Variants in CNTNAP5 observed in about 807,000 individuals in gnomAD.
CNTNAP5 encodes contactin-associated protein-like 5.
A neutral mutation model predicts 150.2 loss-of-function variants in CNTNAP5; 72 were observed. The ratio of observed to expected loss-of-function variants is 0.48; its 90% CI spans 0.40 to 0.58. The LOEUF is 0.58. CNTNAP5 is among the 20% of genes least tolerant of loss of function. CNTNAP5 has a pLI of 0.00. For synonymous variants in CNTNAP5, 672 were observed against 619.8 expected (o/e 1.08, Z -1.25); for missense variants, 1,636 against 1,626.2 (o/e 1.01, Z -0.10).
chr2:124,149,403 C>CAAAAAAAAAA (rs71394025), intron 1 of CNTNAP5, among the ~76,000 whole-genome samples: 1 of 82,778 alleles, frequency 1.2e-5, no homozygotes, highest in Admixed American at 1.5e-4. Context: ...GCGTCAATTG[C>CAAAAAAAAAA]AAAAAAAAAA....
intron 13 of CNTNAP5, 123 bp downstream of exon 13, chr2:124,648,081 G>T: frequency 1.2e-6 from 1 of 808,540 alleles, no homozygotes; most frequent in Non-Finnish European, 1.9e-6. Flanking sequence ...GCACTCGAGA[G>T]AAACACAACA....
chr2:124,763,211 A>G (rs1449473335), intron 14 of CNTNAP5, among the ~76,000 whole-genome samples: 2 of 152,160 alleles, frequency 1.3e-5, no homozygotes, highest in Non-Finnish European at 2.9e-5. Flanking sequence ...AGGTGGTTAA[A>G]AAAAAATCTA....
intron 21 of CNTNAP5, among the ~76,000 whole-genome samples, chr2:124,875,386 A>G (rs888576030): frequency 7.2e-5 from 11 of 152,180 alleles, no homozygotes; most frequent in Admixed American, 6.6e-5. Flanking sequence ...CTGGGAGTCA[A>G]TGCTAAACCA....
chr2:124,308,125 G>C (rs931446696), intron 3 of CNTNAP5, among the ~76,000 whole-genome samples: 1 of 152,168 alleles, frequency 6.6e-6, no homozygotes, highest in East Asian at 1.9e-4. Context: ...TTTCAAGGAA[G>C]AAATGTTGGG....
At chr2:124,557,532 C>T (rs560369293) in intron 10 of CNTNAP5, among the ~76,000 whole-genome samples, 3 of 152,168 alleles carry the variant, frequency 2.0e-5, no homozygotes, top group Admixed American at 2.0e-4. Flanking sequence ...TTATAGAGTG[C>T]CTACCTTGCT....
chr2:124,766,306 A>T (rs1381013368), intron 16 of CNTNAP5, among the ~76,000 whole-genome samples: 1 of 151,996 alleles, frequency 6.6e-6, no homozygotes, highest in East Asian at 1.9e-4. Context: ...GCAATTGACC[A>T]TATCACTATA....
chr2:124,371,185 G>A (rs1232136441), intron 3 of CNTNAP5, among the ~76,000 whole-genome samples: 1 of 152,134 alleles, frequency 6.6e-6, no homozygotes, highest in African/African-American at 2.4e-5. Flanking sequence ...GAGAAGAAGG[G>A]TGAGGGAAAG....
intron 13 of CNTNAP5, among the ~76,000 whole-genome samples, chr2:124,665,406 T>C (rs1678677165): frequency 6.6e-6 from 1 of 152,224 alleles, no homozygotes; most frequent in African/African-American, 2.4e-5. Context: ...ATTTAGTTAA[T>C]ATTATAGTTT....
At chr2:124,837,103 T>C (rs1401880535) in intron 19 of CNTNAP5, among the ~76,000 whole-genome samples, 1 of 150,428 alleles carries the variant, frequency 6.6e-6, no homozygotes, top group East Asian at 2.0e-4. Context: ...GGGACAGGAA[T>C]GTATAAAGGC....
intron 1 of CNTNAP5, among the ~76,000 whole-genome samples, chr2:124,195,174 C>T (rs937775155): frequency 6.6e-6 from 1 of 152,234 alleles, no homozygotes; most frequent in African/African-American, 2.4e-5. Flanking sequence ...AAGCAAGAAG[C>T]TGGGCACCAC....
At chr2:124,790,740 T>C (rs1472638197) in intron 18 of CNTNAP5, among the ~76,000 whole-genome samples, 1 of 152,142 alleles carries the variant, frequency 6.6e-6, no homozygotes, top group Non-Finnish European at 1.5e-5. Context: ...CCAGGACTTT[T>C]CCTATACCCC....
chr2:124,803,716 A>G (rs184628468), intron 19 of CNTNAP5, among the ~76,000 whole-genome samples: 9 of 152,324 alleles, frequency 5.9e-5, no homozygotes, highest in Non-Finnish European at 1.5e-5. Flanking sequence ...ATGAACTGCG[A>G]CATTTTATAT....
At chr2:124,685,698 A>C (rs1006139110) in intron 13 of CNTNAP5, among the ~76,000 whole-genome samples, 1 of 152,010 alleles carries the variant, frequency 6.6e-6, no homozygotes, top group Non-Finnish European at 1.5e-5. Context: ...CTATGTGGTT[A>C]ATGCCTCTAA....
intron 5 of CNTNAP5, among the ~76,000 whole-genome samples, chr2:124,444,696 G>C (rs1378171731): frequency 6.6e-6 from 1 of 152,194 alleles, no homozygotes; most frequent in East Asian, 1.9e-4. Context: ...GGTGTAAACT[G>C]TGTGACCTAG....
chr2:124,832,564 A>G (rs2104682722), intron 19 of CNTNAP5, among the ~76,000 whole-genome samples: 1 of 152,214 alleles, frequency 6.6e-6, no homozygotes. Context: ...CTGTGGACCA[A>G]AATTTTGGGT....
intron 3 of CNTNAP5, among the ~76,000 whole-genome samples, chr2:124,323,059 A>G (rs1188513583): frequency 1.3e-5 from 2 of 152,162 alleles, no homozygotes; most frequent in Non-Finnish European, 2.9e-5. Context: ...CTCCGAGATT[A>G]AGGCACCAGC....
At chr2:124,578,788 A>C (rs530928825) in intron 11 of CNTNAP5, among the ~76,000 whole-genome samples, 1 of 150,818 alleles carries the variant, frequency 6.6e-6, no homozygotes, top group African/African-American at 2.5e-5. Flanking sequence ...TAAATAAGTA[A>C]ATAAATAAAT....
At chr2:124,465,941 G>T (rs1383692161) in intron 6 of CNTNAP5, among the ~76,000 whole-genome samples, 1 of 152,072 alleles carries the variant, frequency 6.6e-6, no homozygotes, top group Non-Finnish European at 1.5e-5. Context: ...GTCAGTCAGG[G>T]TAGGCATCAT....
intron 1 of CNTNAP5, among the ~76,000 whole-genome samples, chr2:124,131,753 C>T (rs1683854172): frequency 6.6e-6 from 1 of 152,204 alleles, no homozygotes; most frequent in African/African-American, 2.4e-5. Flanking sequence ...AAAAGCCCCA[C>T]AGGCATGTTA....
Sources: gnomAD v4.1 joint callset for allele counts (sites outside exome capture counted in the v4.1 genomes callset) on GRCh38, gnomAD v4.1.1 for gene constraint, MANE v1.5 for transcripts, NCBI Gene and HGNC (gene_info 2026-07-23, HGNC 2026-07-21) for gene names.